OR3A2: variants seen among roughly 807,000 people sequenced by gnomAD.
The protein encoded by OR3A2 is olfactory receptor family 3 subfamily A member 2.
For synonymous variants in OR3A2, 126 were observed against 159.3 expected (o/e 0.79, Z 1.57); for missense variants, 318 against 392.8 (o/e 0.81, Z 1.61).
At chr17:3,363,707 GCTATAAAGAACTA>G (rs2049538461) in intron 2 of OR3A2, among the ~76,000 whole-genome samples, 1 of 152,094 alleles carries the variant, frequency 6.6e-6, no homozygotes, top group Non-Finnish European at 1.5e-5. Context: ...TTTTCACACT[GCTATAAAGAACTA>G]CTTGAGACTG....
intron 3 of OR3A2, among the ~76,000 whole-genome samples, chr17:3,331,070 G>T (rs1171181083): frequency 1.3e-5 from 2 of 152,146 alleles, no homozygotes; most frequent in African/African-American, 4.8e-5. Context: ...TAGGGTTTCT[G>T]CCGAGAGATC....
intron 2 of OR3A2, among the ~76,000 whole-genome samples, chr17:3,363,686 C>G (rs230473): frequency 0.57 from 85,139 of 150,132 alleles, 24,888 homozygotes; most frequent in Admixed American, 0.69. Flanking sequence ...CCAATTTTCT[C>G]TATTAGTTCA....
At position 3,279,012 on chromosome 17, in the gene OR3A2, C is replaced by T; in HGVS notation, c.-6-89G>A. 4 of 1,549,940 alleles carry T rather than the reference C, an allele frequency of 2.6e-6. No individual in the cohort carries two copies. The South Asian group carries it at 3.8e-5, about 15-fold the overall frequency. On this transcript the variant is annotated intron_variant, in intron 1 of 1. Transcript: ENST00000642052. Reference sequence around the variant, plus strand: ...ATTTTAAACCATTTATGTTCAAAGCCCCGTGGCGAGTCCCCAGGCCATCCC... The same window carrying T: ...ATTTTAAACCATTTATGTTCAAAGCTCCGTGGCGAGTCCCCAGGCCATCCC...
intron 3 of OR3A2, among the ~76,000 whole-genome samples, chr17:3,304,532 T>C (rs999769729): frequency 2.0e-5 from 3 of 152,224 alleles, no homozygotes; most frequent in Non-Finnish European, 4.4e-5. Flanking sequence ...CTGCATGGTA[T>C]CCACTGCTTC....
chr17:3,381,988 T>C lies in OR3A2; in HGVS notation c.-179+1816A>G, dbSNP rs73979551. On this transcript the variant is annotated intron_variant, in intron 2 of 4. Coordinates refer to the OR3A2 transcript ENST00000573491. Reference sequence around the variant, plus strand: ...AAAAACAGAAAAGAAATCCTCACTTTATACCAGCAAATGAGGGCCAAGTTC... The same window carrying C: ...AAAAACAGAAAAGAAATCCTCACTTCATACCAGCAAATGAGGGCCAAGTTC... Among the ~76,000 whole-genome samples the C allele has an allele frequency of 8.4e-3, 1,272 of 152,254 alleles. 18 individuals carry two copies. Among genetic ancestry groups the C allele is most frequent in the African/African-American group, 0.029 (1,188 of 41,552 alleles).
At position 3,372,385 on chromosome 17, in the gene OR3A2, G is replaced by A. The variant is rs928203593; in HGVS notation, c.-179+11419C>T. 1.5e-3 allele frequency among the ~76,000 whole-genome samples: 225 copies of A among 149,100 alleles called. 1 individual carries two copies. Among genetic ancestry groups the A allele is most frequent in the African/African-American group, 5.2e-3 (215 of 41,044 alleles). ...GCTCCTCACGTCCCAGACGATGGGC[G>A]GCCAGACAGAGACGCTCCTCACTTC... is the stretch of plus-strand genomic sequence containing the variant. On this transcript the variant is annotated intron_variant, in intron 2 of 4. Coordinates refer to the OR3A2 transcript ENST00000573491.
At chr17:3,337,513 G>C (rs1219993649) in intron 2 of OR3A2, among the ~76,000 whole-genome samples, 2 of 152,024 alleles carry the variant, frequency 1.3e-5, no homozygotes, top group Admixed American at 6.6e-5. Context: ...ATATGAGTGA[G>C]AACATGTAGT....
At chr17:3,358,022 T>A (rs1199121596) in intron 2 of OR3A2, among the ~76,000 whole-genome samples, 1 of 151,652 alleles carries the variant, frequency 6.6e-6, no homozygotes. Flanking sequence ...AGCCAATTTT[T>A]CCTAGAAGCA....
At chr17:3,292,279 T>C (rs1036239372) in intron 3 of OR3A2, 1 of 1,613,926 alleles carries the variant, frequency 6.2e-7, no homozygotes, top group South Asian at 1.1e-5. Flanking sequence ...AAGAGCTGGG[T>C]AAGGCAGGCC....
At chr17:3,362,610 A>G (rs1329046006) in intron 2 of OR3A2, among the ~76,000 whole-genome samples, 5 of 151,650 alleles carry the variant, frequency 3.3e-5, no homozygotes, top group African/African-American at 1.2e-4. Context: ...AGATTCTGGT[A>G]CGTTGTGTCT....
rs576568344 is a variant in OR3A2 at position 3,321,960 on chromosome 17, A to T, written c.-85+14073T>A. On this transcript the variant is annotated intron_variant, in intron 3 of 4. Transcript: ENST00000573491. ...GAATAGTTTCAGAAGGAATGGTACCAGCTCCTCCTTGTACCTCTGGTAGAA... is the reference window on the plus strand; with the variant it reads ...GAATAGTTTCAGAAGGAATGGTACCTGCTCCTCCTTGTACCTCTGGTAGAA... 8.5e-5 allele frequency among the ~76,000 whole-genome samples: 13 copies of T among 152,244 alleles called. No individual in the cohort carries two copies. The East Asian group carries it at 1.5e-3, about 18-fold the overall frequency.
chr17:3,311,038 C>G lies in OR3A2; in HGVS notation c.-85+24995G>C. 3 of 546,390 alleles carry G rather than the reference C, an allele frequency of 5.5e-6. No individual in the cohort carries two copies. The highest frequency in any genetic ancestry group is 4.1e-5 in the South Asian group (3 of 72,590). The allele number at this position is 546,390 out of a possible 1,614,324, so 33.8% of individuals were successfully genotyped here. ...GAGGGCAGAAAGAAAGCCTTCTCCA[C>G]GTGTAGTTCCCACCTCACTGTGGTG... is the stretch of plus-strand genomic sequence containing the variant. On this transcript the variant is annotated intron_variant, in intron 3 of 4. Coordinates refer to the OR3A2 transcript ENST00000573491. The surrounding 1 kb of genome is among the most constrained non-coding windows in gnomAD (Gnocchi z 4.6).
chr17:3,332,656 G>A (rs556622698), intron 3 of OR3A2, among the ~76,000 whole-genome samples: 22 of 152,292 alleles, frequency 1.4e-4, no homozygotes, highest in East Asian at 5.8e-4. Context: ...GAAATCACCC[G>A]TCTTCTGCGT....
At chr17:3,313,286 C>T (rs1199273993) in intron 3 of OR3A2, among the ~76,000 whole-genome samples, 1 of 152,214 alleles carries the variant, frequency 6.6e-6, no homozygotes, top group Admixed American at 6.5e-5. Context: ...CTTAAGGGGC[C>T]TTAGATTATC....
At chr17:3,285,802 A>G (rs1229097307), upstream of OR3A2, among the ~76,000 whole-genome samples, 1 of 152,214 alleles carries the variant, frequency 6.6e-6, no homozygotes, top group African/African-American at 2.4e-5. Flanking sequence ...AACAACAACA[A>G]CAAAACAAAC....
At chr17:3,378,594 C>A (rs9901200) in intron 2 of OR3A2, among the ~76,000 whole-genome samples, 1,965 of 152,160 alleles carry the variant, frequency 0.013, 31 homozygotes, top group African/African-American at 0.044. Flanking sequence ...CACCTCTTCC[C>A]AGCCCCTGCC....
chr17:3,354,456 CATT>C (rs1026386129), intron 2 of OR3A2, among the ~76,000 whole-genome samples: 3 of 151,064 alleles, frequency 2.0e-5, no homozygotes, highest in Admixed American at 6.6e-5. Context: ...ACTTTCATCT[CATT>C]ATTATTATTG....
chr17:3,376,518 G>A (rs2049686128), intron 2 of OR3A2, among the ~76,000 whole-genome samples: 1 of 152,172 alleles, frequency 6.6e-6, no homozygotes, highest in South Asian at 2.1e-4. Flanking sequence ...TATGTTCCCA[G>A]GGGGAATATG....
intron 2 of OR3A2, among the ~76,000 whole-genome samples, chr17:3,371,219 G>A (rs1345984717): frequency 2.6e-5 from 4 of 151,628 alleles, no homozygotes; most frequent in Non-Finnish European, 5.9e-5. Flanking sequence ...CTCACCTCCC[G>A]GGTGGGGCGG....
Sources: allele counts gnomAD v4.1 joint callset (sites outside exome capture counted in the v4.1 genomes callset), GRCh38; gene constraint gnomAD v4.1.1; non-coding constraint Gnocchi (gnomAD v3.1); transcripts MANE v1.5; gene names NCBI Gene and HGNC (gene_info 2026-07-23, HGNC 2026-07-21).